Variants in ESR1 observed in about 807,000 individuals in gnomAD.
The protein encoded by ESR1 is estrogen receptor.
ESR1 carries 12 observed loss-of-function variants against 52.7 expected under a neutral mutation model. The ratio of observed to expected loss-of-function variants is 0.23; its 90% CI spans 0.15 to 0.37. The LOEUF (loss-of-function observed/expected upper bound fraction) is 0.37, where lower values mean the gene tolerates loss of function less well. Ranked by LOEUF, ESR1 falls within the 10% of genes least tolerant of loss-of-function variation. The pLI is 1.00. For synonymous variants in ESR1, 305 were observed against 316.8 expected, an observed-to-expected ratio of 0.96 and a Z score of 0.39; for missense variants, 584 against 779.7, an observed-to-expected ratio of 0.75 and a Z score of 2.99.
intron 5 of ESR1, among the ~76,000 whole-genome samples, chr6:152,020,343 A>G (rs1163056123): frequency 3.3e-5 from 5 of 152,310 alleles, no homozygotes; most frequent in Admixed American, 6.5e-5. Context: ...GCAGGGGTCT[A>G]TCAAGGTAGA....
intron 2 of ESR1, among the ~76,000 whole-genome samples, chr6:151,762,784 C>T (rs1338802939): frequency 5.3e-5 from 8 of 151,944 alleles, no homozygotes; most frequent in Non-Finnish European, 1.0e-4. Flanking sequence ...GCCAACATGG[C>T]GAAACTCCGT....
At chr6:151,701,694 A>T (rs1431838032) in intron 1 of ESR1, among the ~76,000 whole-genome samples, 1 of 152,174 alleles carries the variant, frequency 6.6e-6, no homozygotes, top group Non-Finnish European at 1.5e-5. Flanking sequence ...TAATGTAATC[A>T]AGGAATTTGA....
intron 2 of ESR1, among the ~76,000 whole-genome samples, chr6:151,737,921 A>T (rs551347728): frequency 2.0e-5 from 3 of 152,312 alleles, no homozygotes; most frequent in East Asian, 3.9e-4. Context: ...ACATCTGTTA[A>T]TTAGCTTTGG....
chr6:151,677,304 T>G (rs1311011037), intron 1 of ESR1, among the ~76,000 whole-genome samples: 3 of 152,220 alleles, frequency 2.0e-5, no homozygotes, highest in Non-Finnish European at 4.4e-5. Context: ...TTGATCACAT[T>G]AATTTACCTC....
chr6:151,784,485 T>C (rs1316454063), intron 2 of ESR1, among the ~76,000 whole-genome samples: 6 of 152,188 alleles, frequency 3.9e-5, no homozygotes, highest in Admixed American at 3.9e-4. Context: ...TTTTCCTTAA[T>C]GGGTGTTCTT....
intron 5 of ESR1, among the ~76,000 whole-genome samples, chr6:152,027,955 AAC>A (rs1249721341): frequency 6.6e-6 from 1 of 152,104 alleles, no homozygotes; most frequent in East Asian, 1.9e-4. Context: ...CATCCTGGAT[AAC>A]ATGGTGAAAC....
chr6:151,993,711 G>T (rs1454884697), intron 4 of ESR1, among the ~76,000 whole-genome samples: 1 of 152,138 alleles, frequency 6.6e-6, no homozygotes, highest in East Asian at 1.9e-4. Flanking sequence ...TAAACAACCT[G>T]GGAGGAAGCA....
chr6:151,865,611 A>G (rs936999360), intron 2 of ESR1, among the ~76,000 whole-genome samples: 2 of 152,216 alleles, frequency 1.3e-5, no homozygotes, highest in Non-Finnish European at 2.9e-5. Flanking sequence ...TGGGACATCA[A>G]GAAGCCAGAC....
chr6:151,666,710 C>CTCT (rs1777838821), intron 1 of ESR1, among the ~76,000 whole-genome samples: 1 of 110,668 alleles, frequency 9.0e-6, no homozygotes, highest in South Asian at 3.0e-4. Context: ...CCTCCTCCTC[C>CTCT]TCCTCCTCCT....
chr6:151,865,554 A>G (rs899791186), intron 2 of ESR1, among the ~76,000 whole-genome samples: 6 of 152,212 alleles, frequency 3.9e-5, no homozygotes, highest in Non-Finnish European at 8.8e-5. Flanking sequence ...TGCAGCTGCT[A>G]CAACATTTAG....
intron 5 of ESR1, among the ~76,000 whole-genome samples, chr6:152,032,803 A>G (rs1361376335): frequency 6.6e-6 from 1 of 152,204 alleles, no homozygotes; most frequent in Non-Finnish European, 1.5e-5. Context: ...TAAAGTTCAT[A>G]TGGAACCAAA....
intron 4 of ESR1, among the ~76,000 whole-genome samples, chr6:151,949,557 T>A (rs1385970117): frequency 6.6e-6 from 1 of 152,220 alleles, no homozygotes; most frequent in Non-Finnish European, 1.5e-5. Context: ...AGGACAAGAT[T>A]TGCCATTTAG....
chr6:152,058,222 A>T (rs1442537931), intron 5 of ESR1, among the ~76,000 whole-genome samples: 1 of 150,940 alleles, frequency 6.6e-6, no homozygotes, highest in Non-Finnish European at 1.5e-5. Context: ...TAAAAAAAAA[A>T]TTCAACTCCA....
chr6:151,838,188 G>A (rs935866269), intron 1 of ESR1, among the ~76,000 whole-genome samples: 1 of 152,160 alleles, frequency 6.6e-6, no homozygotes, highest in African/African-American at 2.4e-5. Flanking sequence ...TTGGTACTGT[G>A]ATGGTACAGA....
intron 2 of ESR1, among the ~76,000 whole-genome samples, chr6:151,877,083 C>T (rs1791961691): frequency 6.6e-6 from 1 of 151,776 alleles, no homozygotes; most frequent in South Asian, 2.1e-4. Context: ...CTTGAGAAGA[C>T]CAGATAATAA....
intron 6 of ESR1, among the ~76,000 whole-genome samples, chr6:152,065,285 G>A (rs1336536031): frequency 3.3e-5 from 5 of 152,232 alleles, no homozygotes; most frequent in South Asian, 2.1e-4. Context: ...GGGACTTACC[G>A]TTGAGAGACC....
intron 6 of ESR1, among the ~76,000 whole-genome samples, chr6:152,081,343 G>T (rs775250738): frequency 6.6e-6 from 1 of 151,950 alleles, no homozygotes. Context: ...ACACAGCTAC[G>T]TGGAAACTGA....
chr6:151,975,946 T>G (rs1369614575), intron 4 of ESR1, among the ~76,000 whole-genome samples: 1 of 152,170 alleles, frequency 6.6e-6, no homozygotes, highest in East Asian at 1.9e-4. Flanking sequence ...GGGTAGGCAG[T>G]GTGAAATACC....
chr6:151,973,461 C>G (rs927288032), intron 4 of ESR1, among the ~76,000 whole-genome samples: 8 of 152,156 alleles, frequency 5.3e-5, no homozygotes, highest in African/African-American at 1.9e-4. Flanking sequence ...GCAGAGGTGA[C>G]CAATTTTACT....
Sources: gnomAD v4.1 joint callset for allele counts (sites outside exome capture counted in the v4.1 genomes callset) on GRCh38, gnomAD v4.1.1 for gene constraint, MANE v1.5 for transcripts, NCBI Gene and HGNC (gene_info 2026-07-23, HGNC 2026-07-21) for gene names.